CDH4: variants seen among roughly 807,000 people sequenced by gnomAD.
The protein encoded by CDH4 is cadherin-4.
Under a neutral mutation model 86.0 loss-of-function variants are expected in CDH4, and 33 were observed. That is an observed-to-expected ratio of 0.38 (90% CI 0.29 to 0.51). The LOEUF is 0.51. Ranked by LOEUF, CDH4 falls within the 20% of genes least tolerant of loss-of-function variation. CDH4 has a pLI of 0.86. For missense variants in CDH4, 1,114 were observed against 1,307.4 expected (o/e 0.85, Z 2.28); for synonymous variants, 555 against 549.4 (o/e 1.01, Z -0.14).
At chr20:61,534,648 C>CTTTCTTTT (rs1568881693) in intron 2 of CDH4, among the ~76,000 whole-genome samples, 6 of 108,382 alleles carry the variant, frequency 5.5e-5, no homozygotes, top group African/African-American at 2.6e-4. Flanking sequence ...TTCTTTCTTT[C>CTTTCTTTT]TTTTCTTTCT....
At chr20:61,514,382 C>G (rs185888048) in intron 2 of CDH4, among the ~76,000 whole-genome samples, 1 of 131,578 alleles carries the variant, frequency 7.6e-6, no homozygotes, top group Non-Finnish European at 1.6e-5. Flanking sequence ...GGTGGGGGTC[C>G]AGGTTTCTGA....
At chr20:61,376,156 A>G (rs1427320158) in intron 2 of CDH4, among the ~76,000 whole-genome samples, 1 of 146,816 alleles carries the variant, frequency 6.8e-6, no homozygotes, top group Non-Finnish European at 1.5e-5. Context: ...AATGTGCTCA[A>G]GATGGTGATG....
rs139073528 is a variant in CDH4 at position 61,786,266 on chromosome 20, G to A, written c.576+13084G>A. 3.2e-3 allele frequency among the ~76,000 whole-genome samples: 490 copies of A among 152,218 alleles called. 17 individuals carry two copies. The highest frequency in any genetic ancestry group is 0.029 in the Admixed American group (443 of 15,268). ...CTTCCTGGCCCCAGGCAGGAGGGGC[G>A]GCTACACATGTGCACCACCCCCATG... On this transcript the variant is annotated intron_variant, in intron 4 of 15. Transcript: ENST00000614565.
At position 61,754,520 on chromosome 20, in the gene CDH4, C is replaced by G. The variant is rs2088535281; in HGVS notation, c.396+10731C>G. Among the ~76,000 whole-genome samples the G allele has an allele frequency of 6.6e-6, 1 of 151,806 alleles. No individual in the cohort carries two copies. Among genetic ancestry groups the G allele is most frequent in the South Asian group, 2.1e-4 (1 of 4,830 alleles). On this transcript the variant is annotated intron_variant, in intron 3 of 15. Transcript: ENST00000614565. The surrounding 1 kb of genome is among the most constrained non-coding windows in gnomAD (Gnocchi z 4.7). ...CAGGCTCCACAGGGCTTGGGGTGTC[C>G]CTGGGGAGAGGAGGGATGAGGAACG...
At chr20:61,645,194 T>C (rs891343457) in intron 2 of CDH4, among the ~76,000 whole-genome samples, 8 of 152,238 alleles carry the variant, frequency 5.3e-5, no homozygotes, top group African/African-American at 1.7e-4. Flanking sequence ...TGTGTGCTTG[T>C]AACTCTTGAT....
At chr20:61,511,742 T>G (rs994342262) in intron 2 of CDH4, among the ~76,000 whole-genome samples, 1 of 152,258 alleles carries the variant, frequency 6.6e-6, no homozygotes, top group Non-Finnish European at 1.5e-5. Context: ...TGGAGCCTCT[T>G]AATCAGAAAC....
In CDH4 at chr20:61,807,958, C is replaced by A. The variant is rs578232593; in HGVS notation, c.576+34776C>A. Among the ~76,000 whole-genome samples the A allele has an allele frequency of 7.9e-5, 12 of 152,340 alleles. No homozygotes were observed. The highest frequency in any genetic ancestry group is 1.6e-4 in the Non-Finnish European group (11 of 68,040). On this transcript the variant is annotated intron_variant, in intron 4 of 15. Transcript: ENST00000614565. The surrounding 1 kb of genome is among the most constrained non-coding windows in gnomAD (Gnocchi z 4.5). ...GGGTGGTCTGGGTGCCGCCTCAGGG[C>A]AAGCTGCCATAGCAGCGATGAGCCC...
intron 2 of CDH4, among the ~76,000 whole-genome samples, chr20:61,625,257 G>T (rs1368511151): frequency 6.6e-6 from 1 of 152,208 alleles, no homozygotes; most frequent in African/African-American, 2.4e-5. Context: ...CTCGACCGCA[G>T]GGAGGGAGAG....
chr20:61,815,947 A>G (rs1980693013), intron 4 of CDH4, among the ~76,000 whole-genome samples: 1 of 152,170 alleles, frequency 6.6e-6, no homozygotes, highest in South Asian at 2.1e-4. Context: ...CTCTCAATTT[A>G]CAAAAGAAGG....
At chr20:61,819,412 C>G (rs924011845) in intron 4 of CDH4, among the ~76,000 whole-genome samples, 1 of 152,276 alleles carries the variant, frequency 6.6e-6, no homozygotes, top group Non-Finnish European at 1.5e-5. Context: ...CATTCGCTCG[C>G]TCTGCCCCGG....
At chr20:61,419,342 G>A (rs913974372) in intron 2 of CDH4, among the ~76,000 whole-genome samples, 14 of 152,192 alleles carry the variant, frequency 9.2e-5, no homozygotes, top group African/African-American at 2.9e-4. Context: ...GCTGTTTCTG[G>A]GGACTATAAG....
intron 2 of CDH4, among the ~76,000 whole-genome samples, chr20:61,428,633 T>C (rs1038326927): frequency 3.3e-5 from 5 of 152,166 alleles, no homozygotes; most frequent in African/African-American, 9.7e-5. Context: ...GTGCTGATGA[T>C]AGGAGGCAGA....
chr20:61,276,625 A>C (rs1217800505), intron 2 of CDH4, among the ~76,000 whole-genome samples: 1 of 152,116 alleles, frequency 6.6e-6, no homozygotes, highest in Admixed American at 6.6e-5. Flanking sequence ...TGACTCTCTC[A>C]CTGGCTTTGC....
At chr20:61,677,608 G>C (rs1417861640) in intron 2 of CDH4, among the ~76,000 whole-genome samples, 1 of 143,166 alleles carries the variant, frequency 7.0e-6, no homozygotes, top group Non-Finnish European at 1.5e-5. Flanking sequence ...CAAGTTAAGA[G>C]AGGTTAGTGG....
chr20:61,673,597 C>T (rs1232479112), intron 2 of CDH4, among the ~76,000 whole-genome samples: 1 of 152,220 alleles, frequency 6.6e-6, no homozygotes, highest in Non-Finnish European at 1.5e-5. Flanking sequence ...GTGTCCAGGG[C>T]CCAGAAGGCC....
chr20:61,656,307 A>AGGCG (rs2087189315), intron 2 of CDH4, among the ~76,000 whole-genome samples: 1 of 58,540 alleles, frequency 1.7e-5, no homozygotes, highest in African/African-American at 7.7e-5. Context: ...GTGGGTAGGC[A>AGGCG]CGTGCTGAAG....
chr20:61,317,434 G>T (rs988152919), intron 2 of CDH4, among the ~76,000 whole-genome samples: 1 of 152,216 alleles, frequency 6.6e-6, no homozygotes, highest in African/African-American at 2.4e-5. Context: ...TGTTTGCATT[G>T]AAGTGTTTAT....
At chr20:61,583,823 G>A (rs873862) in intron 2 of CDH4, among the ~76,000 whole-genome samples, 13,095 of 152,234 alleles carry the variant, frequency 0.086, 734 homozygotes, top group East Asian at 0.22. Context: ...GGACCAGCCC[G>A]TACAGCCACA....
intron 2 of CDH4, among the ~76,000 whole-genome samples, chr20:61,693,996 G>A (rs925087480): frequency 6.1e-5 from 9 of 148,346 alleles, no homozygotes; most frequent in African/African-American, 2.0e-4. Context: ...AGGTTCAAGC[G>A]AGTCTCCTGC....
Sources: allele counts gnomAD v4.1 joint callset (sites outside exome capture counted in the v4.1 genomes callset), GRCh38; gene constraint gnomAD v4.1.1; non-coding constraint Gnocchi (gnomAD v3.1); transcripts MANE v1.5; gene names NCBI Gene and HGNC (gene_info 2026-07-23, HGNC 2026-07-21).